The following SAMD13 variants were observed in gnomAD, a reference collection of about 807,000 sequenced individuals.
SAMD13 encodes the protein sterile alpha motif domain-containing protein 13.
In SAMD13, 9 loss-of-function variants were observed where a neutral mutation model predicts 12.4. The observed-to-expected ratio is 0.72, with a 90% CI of 0.44 to 1.26. The LOEUF is 1.26. Ranked by LOEUF, SAMD13 falls within the 50% of genes most tolerant of loss-of-function variation. SAMD13 has a pLI of 0.00. For missense variants in SAMD13, 84 were observed against 119.6 expected (o/e 0.70, Z 1.39); for synonymous variants, 46 against 45.4 (o/e 1.01, Z -0.05).
At chr1:84,333,885 G>T (rs1234411151) in intron 3 of SAMD13, among the ~76,000 whole-genome samples, 5 of 152,046 alleles carry the variant, frequency 3.3e-5, no homozygotes, top group Admixed American at 6.6e-5. Flanking sequence ...AACCAACCTT[G>T]CTTCCCGGGG....
chr1:84,306,234 C>T (rs957328075), intron 2 of SAMD13, among the ~76,000 whole-genome samples: 1 of 151,930 alleles, frequency 6.6e-6, no homozygotes, highest in Non-Finnish European at 1.5e-5. Flanking sequence ...GTTTTGGATG[C>T]TATTTTAAGT....
chr1:84,319,545 G>A (rs945645206), intron 2 of SAMD13, among the ~76,000 whole-genome samples: 1 of 150,656 alleles, frequency 6.6e-6, no homozygotes, highest in African/African-American at 2.4e-5. Flanking sequence ...TGAGGCAGGA[G>A]AATCGCTTGA....
At chr1:84,299,426 A>G, upstream of SAMD13, 1 of 299,108 alleles carries the variant, frequency 3.3e-6, no homozygotes, top group Non-Finnish European at 6.5e-6. Flanking sequence ...TTATTTCAGC[A>G]TATCCCATAA....
At chr1:84,324,984 C>T (rs1679025658) in intron 2 of SAMD13, among the ~76,000 whole-genome samples, 1 of 152,128 alleles carries the variant, frequency 6.6e-6, no homozygotes, top group Non-Finnish European at 1.5e-5. Flanking sequence ...ATGCATTTCT[C>T]CAACCTGCAT....
chr1:84,336,184 G>T (rs1443348937), intron 3 of SAMD13, among the ~76,000 whole-genome samples: 7 of 152,172 alleles, frequency 4.6e-5, no homozygotes, highest in Admixed American at 4.6e-4. Context: ...AGGGACACCA[G>T]TGAGTTGTAG....
chr1:84,315,784 A>G lies in SAMD13; in HGVS notation c.54-9853A>G, dbSNP rs575091275. ...TAGTTCTATCTTTAATTTCTTGAGG[A>G]ATCTACAGTTCCATAGCAGCTTCCC... On this transcript the variant is annotated intron_variant, in intron 2 of 3. Transcript: ENST00000394834. Among the ~76,000 whole-genome samples the G allele has an allele frequency of 1.5e-3, 225 of 152,244 alleles. 1 individual carries two copies. Among genetic ancestry groups the G allele is most frequent in the Non-Finnish European group, 2.5e-3 (172 of 68,000 alleles).
intron 3 of SAMD13, chr1:84,345,080 C>G (rs1436126882): frequency 4.4e-6 from 2 of 456,484 alleles, no homozygotes; most frequent in Admixed American, 4.7e-5. Context: ...TATCTCTGGG[C>G]TCCAGAGCAA....
Position 84,350,057 on chromosome 1 carries a change from C to A in SAMD13, c.*283C>A. The A allele has an allele frequency of 3.1e-6, 1 of 322,476 alleles. No individual in the cohort carries two copies. Among genetic ancestry groups the A allele is most frequent in the Non-Finnish European group, 5.0e-6 (1 of 198,938 alleles). The allele number at this position is 322,476 out of a possible 1,614,324, so 20.0% of individuals were successfully genotyped here. On this transcript the variant is annotated 3_prime_UTR_variant, in exon 4 of 4. Transcript: ENST00000394834. The stretch of plus-strand genomic sequence containing the variant: ...CTCCTCCCCACAAAGGCTTTGAAAT[C>A]ATAAGGATTTTCCTCATCTCTTTAT...
chr1:84,326,748 C>T (rs1455760493), intron 3 of SAMD13, among the ~76,000 whole-genome samples: 1 of 152,162 alleles, frequency 6.6e-6, no homozygotes, highest in East Asian at 1.9e-4. Context: ...TTCCATATCC[C>T]TTCAGCCATT....
chr1:84,314,886 C>T (rs1034554342), intron 2 of SAMD13, among the ~76,000 whole-genome samples: 3 of 152,048 alleles, frequency 2.0e-5, no homozygotes, highest in African/African-American at 7.2e-5. Flanking sequence ...TGTTGTAAAC[C>T]GTTTTCCAGA....
intron 3 of SAMD13, among the ~76,000 whole-genome samples, chr1:84,343,236 A>G (rs540066480): frequency 6.6e-6 from 1 of 152,334 alleles, no homozygotes; most frequent in East Asian, 1.9e-4. Flanking sequence ...AGAAATAGGA[A>G]TGCTTTTACA....
At chr1:84,316,869 G>A in intron 2 of SAMD13, among the ~76,000 whole-genome samples, 1 of 151,964 alleles carries the variant, frequency 6.6e-6, no homozygotes, top group East Asian at 1.9e-4. Flanking sequence ...GCATTTGTTT[G>A]TGTCTTCTTT....
chr1:84,334,775 T>G (rs529805763), intron 3 of SAMD13, among the ~76,000 whole-genome samples: 23 of 152,274 alleles, frequency 1.5e-4, no homozygotes, highest in African/African-American at 5.5e-4. Context: ...TCTCAGTAGT[T>G]TCACATAATT....
At chr1:84,313,855 C>A (rs933111165) in intron 2 of SAMD13, among the ~76,000 whole-genome samples, 7 of 152,102 alleles carry the variant, frequency 4.6e-5, no homozygotes, top group African/African-American at 1.7e-4. Flanking sequence ...ACATTCCTTT[C>A]ATAATTAGTA....
chr1:84,330,767 G>A (rs1282479930), intron 3 of SAMD13, among the ~76,000 whole-genome samples: 3 of 152,182 alleles, frequency 2.0e-5, no homozygotes, highest in Non-Finnish European at 2.9e-5. Flanking sequence ...ATAAGAAGAA[G>A]ATGGAAGACA....
At chr1:84,325,771 G>A (rs370552292) in intron 3 of SAMD13, 23 bp downstream of exon 3, 56 of 1,416,504 alleles carry the variant, frequency 4.0e-5, no homozygotes, top group African/African-American at 2.5e-4. Flanking sequence ...AGAGAAACAC[G>A]TGATGAACAT....
At chr1:84,317,347 T>C (rs1452327530) in intron 2 of SAMD13, among the ~76,000 whole-genome samples, 3 of 152,128 alleles carry the variant, frequency 2.0e-5, no homozygotes, top group African/African-American at 7.2e-5. Flanking sequence ...GGTCTTTTCA[T>C]AGATAGCCTT....
intron 3 of SAMD13, among the ~76,000 whole-genome samples, chr1:84,333,745 A>G (rs1311958501): frequency 6.6e-6 from 1 of 151,836 alleles, no homozygotes; most frequent in African/African-American, 2.4e-5. Flanking sequence ...CTAGTTTGTT[A>G]AGGATTTTTA....
At chr1:84,315,145 A>G (rs147409206) in intron 2 of SAMD13, among the ~76,000 whole-genome samples, 12 of 152,096 alleles carry the variant, frequency 7.9e-5, no homozygotes, top group East Asian at 1.9e-4. Flanking sequence ...AGTGTACGAT[A>G]CAGTATTATT....
Sources: gnomAD v4.1 joint callset for allele counts (sites outside exome capture counted in the v4.1 genomes callset) on GRCh38, gnomAD v4.1.1 for gene constraint, MANE v1.5 for transcripts, NCBI Gene and HGNC (gene_info 2026-07-23, HGNC 2026-07-21) for gene names.